The following NEMP2 variants were observed in gnomAD, a reference collection of about 807,000 sequenced individuals.
The protein encoded by NEMP2 is UPF0571 transmembrane protein.
Under a neutral mutation model 54.2 loss-of-function variants are expected in NEMP2, and 53 were observed. That is an observed-to-expected ratio of 0.98 (90% CI 0.78 to 1.23). NEMP2 has a LOEUF of 1.23. Among genes scored for constraint, NEMP2 ranks in the 50% most tolerant of loss-of-function variants. The pLI is 0.00. For missense variants in NEMP2, 455 were observed against 511.3 expected, an observed-to-expected ratio of 0.89 and a Z score of 1.06; for synonymous variants, 197 against 190.3, an observed-to-expected ratio of 1.04 and a Z score of -0.29.
the NEMP2 span, among the ~76,000 whole-genome samples, chr2:190,595,628 T>C: frequency 2.0e-5 from 3 of 152,082 alleles, no homozygotes; most frequent in Admixed American, 6.6e-5. This position sits in a 1 kb window ranked among gnomAD's most constrained non-coding sequence, Gnocchi z 4.0. Context: ...GACATTTATG[T>C]GGCCAACAAA....
the NEMP2 span, among the ~76,000 whole-genome samples, chr2:190,571,403 C>T: frequency 4.0e-5 from 6 of 151,842 alleles, no homozygotes; most frequent in Admixed American, 6.6e-5. Flanking sequence ...ATTAGCCAGG[C>T]GTGGTGGTGG....
the NEMP2 span, among the ~76,000 whole-genome samples, chr2:190,471,321 C>T: frequency 2.0e-5 from 3 of 152,186 alleles, no homozygotes; most frequent in Non-Finnish European, 4.4e-5. The surrounding 1 kb of genome is among the most constrained non-coding windows in gnomAD (Gnocchi z 4.7). Flanking sequence ...CACAAGGGGT[C>T]AGGGAATTCC....
the NEMP2 span, among the ~76,000 whole-genome samples, chr2:190,642,742 A>G: frequency 6.6e-6 from 1 of 152,142 alleles, no homozygotes; most frequent in African/African-American, 2.4e-5. This position sits in a 1 kb window ranked among gnomAD's most constrained non-coding sequence, Gnocchi z 4.1. Context: ...TTAAGTATAG[A>G]ATTGTTCTGA....
At chr2:190,630,308 CCT>C in the NEMP2 span, among the ~76,000 whole-genome samples, 2 of 152,296 alleles carry the variant, frequency 1.3e-5, no homozygotes. This position sits in a 1 kb window ranked among gnomAD's most constrained non-coding sequence, Gnocchi z 5.5. Context: ...ACTTCTGCCT[CCT>C]GGGTTCAAGC....
the NEMP2 span, among the ~76,000 whole-genome samples, chr2:190,600,634 CCT>C: frequency 6.6e-6 from 1 of 152,058 alleles, no homozygotes; most frequent in Non-Finnish European, 1.5e-5. This position sits in a 1 kb window ranked among gnomAD's most constrained non-coding sequence, Gnocchi z 4.9. Context: ...TCTTTTGCTT[CCT>C]CTCTTGCCAT....
At chr2:190,634,993 T>C in the NEMP2 span, among the ~76,000 whole-genome samples, 2 of 152,190 alleles carry the variant, frequency 1.3e-5, no homozygotes, top group African/African-American at 4.8e-5. This position sits in a 1 kb window ranked among gnomAD's most constrained non-coding sequence, Gnocchi z 6.8. Context: ...CTCCATGTCT[T>C]TCACCTAGCT....
chr2:190,619,455 G>T, the NEMP2 span, among the ~76,000 whole-genome samples: 1 of 151,800 alleles, frequency 6.6e-6, no homozygotes, highest in Admixed American at 6.6e-5. The surrounding 1 kb of genome is among the most constrained non-coding windows in gnomAD (Gnocchi z 5.5). Flanking sequence ...GGTTATGATT[G>T]CATCAGTGTG....
the NEMP2 span, among the ~76,000 whole-genome samples, chr2:190,615,574 G>A: frequency 6.6e-6 from 1 of 152,118 alleles, no homozygotes; most frequent in Non-Finnish European, 1.5e-5. This position sits in a 1 kb window ranked among gnomAD's most constrained non-coding sequence, Gnocchi z 4.7. Flanking sequence ...TCACTACACA[G>A]GCATGATTGA....
chr2:190,541,767 A>G, the NEMP2 span, among the ~76,000 whole-genome samples: 5 of 152,148 alleles, frequency 3.3e-5, no homozygotes, highest in Admixed American at 2.0e-4. The surrounding 1 kb of genome is among the most constrained non-coding windows in gnomAD (Gnocchi z 5.2). Flanking sequence ...TTCCTGTAAG[A>G]TGGGGCTGGT....
chr2:190,422,747 G>T, the NEMP2 span, among the ~76,000 whole-genome samples: 8 of 152,052 alleles, frequency 5.3e-5, no homozygotes, highest in Non-Finnish European at 8.8e-5. Context: ...TTATCTTTCA[G>T]TTTTGAGGCA....
chr2:190,637,433 G>A, the NEMP2 span, among the ~76,000 whole-genome samples: 1 of 152,176 alleles, frequency 6.6e-6, no homozygotes, highest in East Asian at 1.9e-4. This position sits in a 1 kb window ranked among gnomAD's most constrained non-coding sequence, Gnocchi z 4.5. Context: ...CGTGTCAGAG[G>A]TGGCTCCTGC....
upstream of NEMP2, chr2:190,534,961 T>G: frequency 3.8e-6 from 1 of 259,822 alleles, no homozygotes; most frequent in Non-Finnish European, 7.2e-6. Flanking sequence ...ACGCGGGGCG[T>G]CCAGGGCCTC....
At chr2:190,626,916 A>G in the NEMP2 span, 1 of 152,350 alleles carries the variant, frequency 6.6e-6, no homozygotes, top group East Asian at 1.9e-4. This position sits in a 1 kb window ranked among gnomAD's most constrained non-coding sequence, Gnocchi z 4.5. Context: ...ACTGGATTAC[A>G]TATTGAAAAT....
At chr2:190,618,276 C>T in the NEMP2 span, among the ~76,000 whole-genome samples, 1 of 152,258 alleles carries the variant, frequency 6.6e-6, no homozygotes, top group Middle Eastern at 3.4e-3. Flanking sequence ...CAGTTCTTCC[C>T]CTTTGCCAGG....
the NEMP2 span, among the ~76,000 whole-genome samples, chr2:190,604,036 T>C: frequency 0.15 from 23,340 of 152,240 alleles, 1,885 homozygotes; most frequent in East Asian, 0.28. This position sits in a 1 kb window ranked among gnomAD's most constrained non-coding sequence, Gnocchi z 4.5. Flanking sequence ...AATCAATGAA[T>C]GTCATTTACT....
chr2:190,447,653 A>G, the NEMP2 span, among the ~76,000 whole-genome samples: 1 of 152,206 alleles, frequency 6.6e-6, no homozygotes, highest in South Asian at 2.1e-4. The surrounding 1 kb of genome is among the most constrained non-coding windows in gnomAD (Gnocchi z 4.5). Flanking sequence ...TGCAGCTATT[A>G]TTTATATGTG....
At chr2:190,534,510 CG>C in intron 1 of NEMP2, 48 bp downstream of exon 1, 1 of 1,355,204 alleles carries the variant, frequency 7.4e-7, no homozygotes, top group South Asian at 1.8e-5. Context: ...GCCGCGAAGC[CG>C]GGGAGCGAGC....
chr2:190,502,961 T>C (rs1559150437), downstream of NEMP2, among the ~76,000 whole-genome samples: 1 of 152,188 alleles, frequency 6.6e-6, no homozygotes, highest in Non-Finnish European at 1.5e-5. The surrounding 1 kb of genome is among the most constrained non-coding windows in gnomAD (Gnocchi z 4.4). Context: ...GTCAAAGCCC[T>C]GGTCCGCTTA....
chr2:190,457,047 C>A, the NEMP2 span, among the ~76,000 whole-genome samples: 1 of 152,008 alleles, frequency 6.6e-6, no homozygotes, highest in South Asian at 2.1e-4. This position sits in a 1 kb window ranked among gnomAD's most constrained non-coding sequence, Gnocchi z 5.1. Context: ...TTCAGAAGTC[C>A]AGAAGTCTAT....
Sources: gnomAD v4.1 joint callset for allele counts (sites outside exome capture counted in the v4.1 genomes callset) on GRCh38, gnomAD v4.1.1 for gene constraint, Gnocchi (gnomAD v3.1) non-coding constraint, MANE v1.5 for transcripts, NCBI Gene and HGNC (gene_info 2026-07-23, HGNC 2026-07-21) for gene names.